Variants in HSD17B4 observed in about 807,000 individuals in gnomAD.
HSD17B4 encodes the protein peroxisomal multifunctional enzyme type 2.
A neutral mutation model predicts 101.0 loss-of-function variants in HSD17B4; 70 were observed. The ratio of observed to expected loss-of-function variants is 0.69; its 90% confidence interval spans 0.57 to 0.85. HSD17B4 has a LOEUF of 0.85. HSD17B4 is among the 40% of genes least tolerant of loss of function. The probability of loss-of-function intolerance (pLI) is 0.00; values close to 1 mark genes in which losing one functional copy is unlikely to be tolerated. For synonymous variants in HSD17B4, 347 were observed against 297.1 expected, an observed-to-expected ratio of 1.17 and a Z score of -1.73; for missense variants, 984 against 892.4, an observed-to-expected ratio of 1.10 and a Z score of -1.31.
chr5:119,468,665 A>T (rs1444757388), intron 2 of HSD17B4, among the ~76,000 whole-genome samples: 1 of 152,098 alleles, frequency 6.6e-6, no homozygotes, highest in Non-Finnish European at 1.5e-5. Flanking sequence ...TCTTTCTTTC[A>T]GGACTTGGGA....
chr5:119,474,486 T>A, intron 4 of HSD17B4, 26 bp downstream of exon 4: 1 of 1,443,420 alleles, frequency 6.9e-7, no homozygotes, highest in Non-Finnish European at 9.8e-7. Flanking sequence ...GTTATGGCTC[T>A]TGTGGAGCAA....
intron 2 of HSD17B4, among the ~76,000 whole-genome samples, chr5:119,460,633 G>GT (rs1755133315): frequency 6.6e-6 from 1 of 152,118 alleles, no homozygotes; most frequent in African/African-American, 2.4e-5. Flanking sequence ...CATCTAACAT[G>GT]TATTTATTAA....
chr5:119,457,594 CT>C (rs1211123028), intron 2 of HSD17B4, among the ~76,000 whole-genome samples: 2 of 152,226 alleles, frequency 1.3e-5, no homozygotes, highest in Admixed American at 6.5e-5. Context: ...TTCAGGCCCA[CT>C]TTGTCAGATT....
Position 119,468,991 on chromosome 5 carries a change from A to G in HSD17B4, c.113-4917A>G, listed in dbSNP as rs1288373975. ...TGGGCAATGTGCTTATTTCATGACA[A>G]CGTTTGAGGGAGGCATATCTTACAC... On this transcript the variant is annotated intron_variant, in intron 2 of 23. Transcript: ENST00000510025. 5.3e-5 allele frequency among the ~76,000 whole-genome samples: 8 copies of G among 150,630 alleles called. 1 individual carries two copies. The East Asian group carries it at 1.2e-3, about 22-fold the overall frequency.
intron 14 of HSD17B4, among the ~76,000 whole-genome samples, chr5:119,506,079 C>T (rs912300414): frequency 3.9e-5 from 6 of 152,098 alleles, no homozygotes; most frequent in Admixed American, 3.3e-4. Context: ...AGTTTTGTTA[C>T]ATAGGTATAC....
chr5:119,509,079 G>T (rs953358612), intron 15 of HSD17B4, 62 bp from the exon 16 acceptor site: 5 of 887,500 alleles, frequency 5.6e-6, no homozygotes, highest in Non-Finnish European at 9.5e-6. Context: ...AACCTATCTT[G>T]GTTAACTAGT....
At chr5:119,459,650 G>A (rs1004236065) in intron 2 of HSD17B4, among the ~76,000 whole-genome samples, 1 of 152,126 alleles carries the variant, frequency 6.6e-6, no homozygotes, top group Non-Finnish European at 1.5e-5. Flanking sequence ...CTCCTTTCTG[G>A]TGGGGACTCT....
chr5:119,509,016 A>G, intron 15 of HSD17B4, 125 bp from the exon 16 acceptor site: 1 of 679,216 alleles, frequency 1.5e-6, no homozygotes, highest in African/African-American at 1.8e-5. Flanking sequence ...TTTACATGTT[A>G]GAACTCTTTC....
chr5:119,526,699 A>C (rs1753631464), intron 19 of HSD17B4, among the ~76,000 whole-genome samples: 1 of 151,978 alleles, frequency 6.6e-6, no homozygotes. Context: ...ATTATCCAGT[A>C]ATATATACAC....
Position 119,465,291 on chromosome 5 carries a change from A to G in HSD17B4, c.113-8617A>G, listed in dbSNP as rs148986373. On this transcript the variant is annotated intron_variant, in intron 2 of 23. Transcript: ENST00000510025. ...TTCAGCTAGTTTGGTATTGGTTTAT[A>G]TGGTATGGATGTTTTTCTCCTCCAA... Among the ~76,000 whole-genome samples the G allele has an allele frequency of 7.6e-4, 116 of 152,202 alleles. 1 individual carries two copies. The highest frequency in any genetic ancestry group is 2.7e-3 in the African/African-American group (112 of 41,512).
chr5:119,454,012 G>A (rs1220889148), intron 1 of HSD17B4, among the ~76,000 whole-genome samples: 1 of 152,126 alleles, frequency 6.6e-6, no homozygotes, highest in Non-Finnish European at 1.5e-5. Context: ...GATAGGGACT[G>A]CTTCTTTTGA....
At chr5:119,489,062 GT>G (rs1749859100) in intron 8 of HSD17B4, 129 bp from the exon 9 acceptor site, 1 of 660,814 alleles carries the variant, frequency 1.5e-6, no homozygotes, top group Non-Finnish European at 2.7e-6. Context: ...AGACTTAAAT[GT>G]TAGACTAGTT....
intron 23 of HSD17B4, among the ~76,000 whole-genome samples, chr5:119,540,404 T>C (rs572557678): frequency 1.3e-5 from 2 of 151,970 alleles, no homozygotes; most frequent in African/African-American, 2.4e-5. Context: ...AATAAGAAAA[T>C]AGATAGGAGG....
At chr5:119,524,991 T>C (rs1449876701) in intron 17 of HSD17B4, among the ~76,000 whole-genome samples, 3 of 152,098 alleles carry the variant, frequency 2.0e-5, no homozygotes, top group Admixed American at 2.0e-4. Context: ...ATTCTTGGCT[T>C]CCCTTTCTAC....
Position 119,474,450 on chromosome 5 carries a change from T to C in HSD17B4, c.270T>C (p.Phe90=). 6.2e-7 allele frequency: 1 copy of C among 1,600,144 alleles called. No homozygotes were observed. Among genetic ancestry groups the C allele is most frequent in the Non-Finnish European group, 8.6e-7 (1 of 1,167,318 alleles). The change falls in exon 4 of 24, where the codon TTT becomes TTC. Residue 90 remains phenylalanine, a synonymous_variant. Coordinates refer to ENST00000510025, the MANE Select transcript of HSD17B4 (RefSeq NM_000414.4). ...EKVVKTALDA[F]GRIDVVVNNA... is the part of the protein sequence containing the mutation. ...TTGTGAAGACAGCCCTGGATGCTTT[T>C]GGAAGAATAGGTGATGTTTCTTTGT...
intron 3 of HSD17B4, 57 bp downstream of exon 3, chr5:119,474,072 A>G (rs1395855914): frequency 5.3e-6 from 5 of 942,296 alleles, no homozygotes; most frequent in Middle Eastern, 2.2e-4. Context: ...GCTATTTGTC[A>G]CATTAATAAT....
intron 1 of HSD17B4, 192 bp downstream of exon 1, chr5:119,452,825 CA>C: frequency 6.5e-7 from 1 of 1,536,142 alleles, no homozygotes; most frequent in Non-Finnish European, 8.7e-7. Context: ...CAAGCAGGTA[CA>C]GCCCGCTTCT....
intron 12 of HSD17B4, among the ~76,000 whole-genome samples, chr5:119,497,904 A>G (rs1271745395): frequency 2.6e-5 from 4 of 152,162 alleles, no homozygotes; most frequent in African/African-American, 9.7e-5. Context: ...TACTTTAGTA[A>G]CATTTTCTGA....
intron 15 of HSD17B4, among the ~76,000 whole-genome samples, chr5:119,508,645 T>G (rs1378266649): frequency 6.6e-6 from 1 of 152,232 alleles, no homozygotes; most frequent in Non-Finnish European, 1.5e-5. Context: ...GGTGCCTTTT[T>G]TTCTGTACAG....
Sources: gnomAD v4.1 joint callset for allele counts (sites outside exome capture counted in the v4.1 genomes callset) on GRCh38, gnomAD v4.1.1 for gene constraint, MANE v1.5 for transcripts, NCBI Gene and HGNC (gene_info 2026-07-23, HGNC 2026-07-21) for gene names.